Variants in KAZN observed in about 807,000 individuals in gnomAD.
KAZN encodes kazrin.
A neutral mutation model predicts 87.4 loss-of-function variants in KAZN; 40 were observed. The observed-to-expected ratio is 0.46, with a 90% confidence interval of 0.36 to 0.60. The LOEUF is 0.60. Among genes scored for constraint, KAZN ranks in the 20% least tolerant of loss-of-function variants. The probability of loss-of-function intolerance (pLI) is 0.00; values close to 1 mark genes in which losing one functional copy is unlikely to be tolerated. For synonymous variants in KAZN, 466 were observed against 458.3 expected (o/e 1.02, Z -0.22); for missense variants, 898 against 1,073.9 (o/e 0.84, Z 2.29).
chr1:14,261,612 C>T (rs772967742), intron 2 of KAZN, among the ~76,000 whole-genome samples: 15 of 152,146 alleles, frequency 9.9e-5, no homozygotes, highest in Admixed American at 2.0e-4. Flanking sequence ...GCGGAAAAAT[C>T]GTTTGTAAAA....
At chr1:14,882,268 CA>C (rs1653419572) in intron 1 of KAZN, among the ~76,000 whole-genome samples, 1 of 152,208 alleles carries the variant, frequency 6.6e-6, no homozygotes. Flanking sequence ...AGATTCCAAA[CA>C]AACTTTTTTC....
intron 2 of KAZN, among the ~76,000 whole-genome samples, chr1:14,441,787 C>CT (rs764769210): frequency 8.5e-5 from 13 of 152,228 alleles, no homozygotes; most frequent in East Asian, 3.9e-4. Flanking sequence ...ATTAAATATA[C>CT]TTTTTTTAAC....
intron 2 of KAZN, among the ~76,000 whole-genome samples, chr1:15,005,154 G>A (rs546652548): frequency 2.0e-5 from 3 of 152,158 alleles, no homozygotes; most frequent in African/African-American, 4.8e-5. Context: ...GACCTGCCAC[G>A]TATTTTACAG....
At chr1:14,254,749 AG>A (rs908671133) in intron 2 of KAZN, among the ~76,000 whole-genome samples, 69 of 152,220 alleles carry the variant, frequency 4.5e-4, no homozygotes, top group African/African-American at 1.6e-3. Flanking sequence ...ACGTTTCTGC[AG>A]GCTGCACAGG....
chr1:15,000,326 T>C (rs1668341860), intron 2 of KAZN, among the ~76,000 whole-genome samples: 1 of 151,778 alleles, frequency 6.6e-6, no homozygotes, highest in Non-Finnish European at 1.5e-5. Context: ...ACACCCTGAT[T>C]TTGGCCCAGT....
At chr1:14,242,204 G>C (rs1321608534) in intron 2 of KAZN, among the ~76,000 whole-genome samples, 1 of 152,178 alleles carries the variant, frequency 6.6e-6, no homozygotes, top group African/African-American at 2.4e-5. Flanking sequence ...TCTGAAGACT[G>C]TAAACTGTCT....
At chr1:14,304,942 G>GTTT (rs35013885) in intron 2 of KAZN, among the ~76,000 whole-genome samples, 10 of 144,524 alleles carry the variant, frequency 6.9e-5, no homozygotes, top group African/African-American at 2.0e-4. Context: ...GCCAAAGCTA[G>GTTT]TTTTTTTTTT....
chr1:14,171,039 A>T (rs575734635), intron 1 of KAZN, among the ~76,000 whole-genome samples: 228 of 152,330 alleles, frequency 1.5e-3, no homozygotes, highest in African/African-American at 5.3e-3. Flanking sequence ...AAATGGAATT[A>T]CAAGGTGTGG....
intron 2 of KAZN, among the ~76,000 whole-genome samples, chr1:14,547,644 G>A (rs1334789425): frequency 6.6e-6 from 1 of 152,142 alleles, no homozygotes; most frequent in Non-Finnish European, 1.5e-5. Flanking sequence ...GTGCAGTGAT[G>A]CAGTCTCGGC....
intron 1 of KAZN, among the ~76,000 whole-genome samples, chr1:14,082,860 C>G (rs1643732396): frequency 1.3e-5 from 2 of 152,272 alleles, no homozygotes; most frequent in South Asian, 4.1e-4. Flanking sequence ...CTCCCACTTA[C>G]ACTTAATGAA....
intron 2 of KAZN, among the ~76,000 whole-genome samples, chr1:14,329,700 CCT>C (rs1656707332): frequency 6.6e-6 from 1 of 152,164 alleles, no homozygotes. Flanking sequence ...CCCAACCCTG[CCT>C]CTCAGTCACT....
chr1:14,828,276 T>C (rs1000866256), intron 1 of KAZN, among the ~76,000 whole-genome samples: 1 of 152,250 alleles, frequency 6.6e-6, no homozygotes, highest in Non-Finnish European at 1.5e-5. Flanking sequence ...GGCTAAAACA[T>C]GTATCACTGC....
chr1:14,673,494 T>A (rs184259969), intron 1 of KAZN, among the ~76,000 whole-genome samples: 186 of 152,286 alleles, frequency 1.2e-3, no homozygotes, highest in African/African-American at 3.7e-3. Flanking sequence ...TGAAGGCAGT[T>A]TGAAGAATGC....
At chr1:14,048,124 AG>A (rs1642157089) in intron 1 of KAZN, among the ~76,000 whole-genome samples, 1 of 152,192 alleles carries the variant, frequency 6.6e-6, no homozygotes, top group Non-Finnish European at 1.5e-5. Flanking sequence ...TCTATCACAA[AG>A]GTGGGAAAGT....
In KAZN at chr1:15,048,821, G is replaced by A. The variant is rs1375599887; in HGVS notation, c.726+4662G>A. On this transcript the variant is annotated intron_variant, in intron 4 of 14. Transcript: ENST00000376030. The stretch of plus-strand genomic sequence containing the variant: ...GGTCCTGAGTCGTTGGTCCTGGGTT[G>A]TTGGTGCTGGGTCGTTGGTCCTGGG... 3.9e-4 allele frequency among the ~76,000 whole-genome samples: 58 copies of A among 150,332 alleles called. 3 individuals carry two copies. Among genetic ancestry groups the A allele is most frequent in the African/African-American group, 1.4e-3 (55 of 40,628 alleles).
chr1:14,985,727 G>A (rs983649324), intron 2 of KAZN, among the ~76,000 whole-genome samples: 2 of 152,070 alleles, frequency 1.3e-5, no homozygotes, highest in African/African-American at 2.4e-5. Flanking sequence ...AGAAGTGCCA[G>A]GCACGGTGGC....
chr1:14,073,708 T>C (rs944379320), intron 1 of KAZN, among the ~76,000 whole-genome samples: 1 of 152,298 alleles, frequency 6.6e-6, no homozygotes, highest in Admixed American at 6.5e-5. Flanking sequence ...GCTTCATCCG[T>C]GTCCCTGCAA....
chr1:15,043,900 T>C, intron 3 of KAZN, 89 bp from the exon 4 acceptor site: 2 of 1,325,864 alleles, frequency 1.5e-6, no homozygotes, highest in Non-Finnish European at 2.0e-6. Flanking sequence ...TCTTTTTCCA[T>C]CTAGGAGTTA....
At chr1:14,162,645 C>T (rs370654750) in intron 1 of KAZN, among the ~76,000 whole-genome samples, 11 of 151,500 alleles carry the variant, frequency 7.3e-5, no homozygotes, top group East Asian at 2.0e-4. Flanking sequence ...CCAGGGTTCA[C>T]GCCATTCTCC....
Sources: gnomAD v4.1 joint callset for allele counts (sites outside exome capture counted in the v4.1 genomes callset) on GRCh38, gnomAD v4.1.1 for gene constraint, MANE v1.5 for transcripts, NCBI Gene and HGNC (gene_info 2026-07-23, HGNC 2026-07-21) for gene names.